IFT70B: variants seen among roughly 807,000 people sequenced by gnomAD.
IFT70B encodes intraflagellar transport protein 70B.
chr2:177,551,557 T>A, the IFT70B span: 103 of 1,614,236 alleles, frequency 6.4e-5, no homozygotes, highest in Middle Eastern at 1.2e-3. Flanking sequence ...TCATCTCTAT[T>A]GTGTCTTGCT....
chr2:177,549,690 T>C, the IFT70B span: 2 of 152,196 alleles, frequency 1.3e-5, no homozygotes, highest in African/African-American at 4.8e-5. Context: ...AAATGCCTGA[T>C]CAGAATGCAT....
the IFT70B span, chr2:177,550,841 A>G: frequency 6.2e-7 from 1 of 1,614,122 alleles, no homozygotes; most frequent in Non-Finnish European, 8.5e-7. Flanking sequence ...TATTCTTTCC[A>G]ACATGCATTC....
At chr2:177,551,668 T>TC in the IFT70B span, 1 of 1,614,214 alleles carries the variant, frequency 6.2e-7, no homozygotes, top group Non-Finnish European at 8.5e-7. Flanking sequence ...TGGCAAGTGA[T>TC]CACAGCGTCC....
the IFT70B span, chr2:177,552,674 C>T: frequency 1.9e-6 from 3 of 1,593,548 alleles, no homozygotes; most frequent in African/African-American, 4.0e-5. Context: ...GCAGCTGCAC[C>T]GCCTCGGCGT....
chr2:177,550,714 G>A, the IFT70B span: 110 of 1,430,798 alleles, frequency 7.7e-5, no homozygotes, highest in Middle Eastern at 1.1e-3. Flanking sequence ...TAAATAAAGC[G>A]ATGCAAATTT....
chr2:177,551,506 T>G, the IFT70B span: 1 of 1,614,176 alleles, frequency 6.2e-7, no homozygotes, highest in Non-Finnish European at 8.5e-7. Flanking sequence ...TATTTCTCCA[T>G]GGTTTCATCA....
At chr2:177,550,711 A>G in the IFT70B span, 1 of 1,428,910 alleles carries the variant, frequency 7.0e-7, no homozygotes, top group Non-Finnish European at 9.5e-7. Context: ...GGGTAAATAA[A>G]GCGATGCAAA....
At chr2:177,552,789 G>T in the IFT70B span, 1 of 1,498,170 alleles carries the variant, frequency 6.7e-7, no homozygotes, top group South Asian at 1.4e-5. Flanking sequence ...TATGGGTGCG[G>T]TTACTATGGC....
chr2:177,551,495 G>A, the IFT70B span: 1 of 1,614,272 alleles, frequency 6.2e-7, no homozygotes, highest in Non-Finnish European at 8.5e-7. Context: ...ACACAGGAAT[G>A]TATTTCTCCA....
At chr2:177,552,484 G>C in the IFT70B span, 10 of 1,610,890 alleles carry the variant, frequency 6.2e-6, no homozygotes, top group Non-Finnish European at 7.6e-6. Context: ...TCCGCATAAA[G>C]GCAGGCCTTG....
chr2:177,550,237 C>T, the IFT70B span: 1 of 152,024 alleles, frequency 6.6e-6, no homozygotes, highest in Non-Finnish European at 1.5e-5. Flanking sequence ...GACTTTTGCA[C>T]GTTAAAACCA....
chr2:177,550,960 T>C, the IFT70B span: 2 of 1,614,160 alleles, frequency 1.2e-6, no homozygotes, highest in East Asian at 2.2e-5. Flanking sequence ...CGAAGCATGA[T>C]TGTGTGTTTT....
the IFT70B span, chr2:177,551,626 C>T: frequency 1.3e-5 from 21 of 1,614,084 alleles, no homozygotes; most frequent in Middle Eastern, 4.9e-4. Flanking sequence ...GCTAGCCCAT[C>T]AAGCTTAATG....
At chr2:177,552,625 C>A in the IFT70B span, 1 of 1,590,910 alleles carries the variant, frequency 6.3e-7, no homozygotes, top group South Asian at 1.1e-5. Context: ...AGCGACAGGC[C>A]GGCGCGGCTC....
chr2:177,552,682 C>T, the IFT70B span: 1 of 1,597,094 alleles, frequency 6.3e-7, no homozygotes, highest in South Asian at 1.1e-5. Context: ...ACCGCCTCGG[C>T]GTAGCGTGCA....
the IFT70B span, chr2:177,552,186 T>C: frequency 6.2e-7 from 1 of 1,614,136 alleles, no homozygotes; most frequent in Non-Finnish European, 8.5e-7. Context: ...CAAAGCCAGG[T>C]TGTAGGAAAG....
the IFT70B span, chr2:177,551,808 G>A: frequency 7.4e-6 from 12 of 1,614,096 alleles, no homozygotes; most frequent in Admixed American, 1.7e-5. Context: ...AGTCTCTGGA[G>A]GAAAGGGATT....
the IFT70B span, chr2:177,550,881 G>A: frequency 6.2e-7 from 1 of 1,614,088 alleles, no homozygotes; most frequent in African/African-American, 1.3e-5. Context: ...TTCAATAACA[G>A]CAGGTATGTT....
the IFT70B span, chr2:177,552,213 G>A: frequency 2.0e-5 from 32 of 1,614,108 alleles, no homozygotes; most frequent in Middle Eastern, 1.6e-4. Context: ...CTGGTAGCCC[G>A]AGGCCTGCAG....
Sources: allele counts gnomAD v4.1 joint callset, GRCh38; gene constraint gnomAD v4.1.1; transcripts MANE v1.5; gene names NCBI Gene and HGNC (gene_info 2026-07-23, HGNC 2026-07-21).